Variants in HDAC9 observed in about 807,000 individuals in gnomAD.
HDAC9 encodes histone deacetylase 9.
Under a neutral mutation model 139.4 loss-of-function variants are expected in HDAC9, and 41 were observed. The observed-to-expected ratio is 0.29, with a 90% CI of 0.23 to 0.38. The LOEUF is 0.38. Among genes scored for constraint, HDAC9 ranks in the 10% least tolerant of loss-of-function variants. HDAC9 has a pLI of 1.00. For missense variants in HDAC9, 1,147 were observed against 1,297.0 expected (o/e 0.88, Z 1.78); for synonymous variants, 517 against 476.2 (o/e 1.09, Z -1.12).
intron 6 of HDAC9, among the ~76,000 whole-genome samples, chr7:18,597,066 C>A (rs1832704507): frequency 6.6e-6 from 1 of 152,052 alleles, no homozygotes. Flanking sequence ...GAAATCTGAC[C>A]TTTGTCACGC....
chr7:18,307,615 C>G (rs979496416), intron 1 of HDAC9, among the ~76,000 whole-genome samples: 1 of 152,038 alleles, frequency 6.6e-6, no homozygotes, highest in Non-Finnish European at 1.5e-5. Context: ...CCAGGCTGAC[C>G]AACATGGTGA....
At chr7:18,195,362 C>T (rs1468887708) in intron 2 of HDAC9, among the ~76,000 whole-genome samples, 3 of 152,120 alleles carry the variant, frequency 2.0e-5, no homozygotes, top group Non-Finnish European at 4.4e-5. Context: ...TACCTATCAC[C>T]TTTAATGGGG....
At chr7:18,496,389 C>A in intron 2 of HDAC9, 65 bp downstream of exon 2, 1 of 1,381,492 alleles carries the variant, frequency 7.2e-7, no homozygotes, top group South Asian at 1.2e-5. Flanking sequence ...GGAAATGCAG[C>A]TAAGAAAAGC....
intron 2 of HDAC9, among the ~76,000 whole-genome samples, chr7:18,274,840 T>A (rs1469430969): frequency 2.0e-5 from 3 of 152,224 alleles, no homozygotes; most frequent in Non-Finnish European, 4.4e-5. Context: ...GTTATGTACA[T>A]ATGAAATAAA....
chr7:18,965,685 G>A (rs1783797898), intron 24 of HDAC9, among the ~76,000 whole-genome samples: 1 of 152,214 alleles, frequency 6.6e-6, no homozygotes, highest in African/African-American at 2.4e-5. Context: ...GTTATTTCAT[G>A]TGAGCTGCGA....
At chr7:18,707,939 A>G (rs917289097) in intron 12 of HDAC9, among the ~76,000 whole-genome samples, 15 of 151,782 alleles carry the variant, frequency 9.9e-5, no homozygotes, top group African/African-American at 3.6e-4. Context: ...ATTTTTGTAT[A>G]TTGAGGGGAG....
chr7:18,090,249 A>G (rs1323213906), intron 1 of HDAC9, among the ~76,000 whole-genome samples: 1 of 152,190 alleles, frequency 6.6e-6, no homozygotes, highest in Non-Finnish European at 1.5e-5. Context: ...TTATGAGAGC[A>G]AGCTGCTCCT....
At chr7:18,388,209 AC>A (rs1362173407) in intron 1 of HDAC9, among the ~76,000 whole-genome samples, 1 of 152,130 alleles carries the variant, frequency 6.6e-6, no homozygotes, top group Non-Finnish European at 1.5e-5. Context: ...ATCAAATAAG[AC>A]CATTCCCAAG....
At chr7:18,877,494 A>T (rs981089559) in intron 22 of HDAC9, among the ~76,000 whole-genome samples, 1 of 152,186 alleles carries the variant, frequency 6.6e-6, no homozygotes, top group East Asian at 1.9e-4. Context: ...GTGTTTTCCA[A>T]TTCTAGCAAA....
intron 2 of HDAC9, among the ~76,000 whole-genome samples, chr7:18,168,895 T>TGTGTGTG (rs1344936412): frequency 9.2e-4 from 109 of 118,064 alleles, no homozygotes; most frequent in South Asian, 3.0e-3. Flanking sequence ...TTTTTTTTTT[T>TGTGTGTG]TTTGTGTGTG....
intron 2 of HDAC9, among the ~76,000 whole-genome samples, chr7:18,558,399 A>G (rs995213530): frequency 6.6e-6 from 1 of 152,196 alleles, no homozygotes; most frequent in Non-Finnish European, 1.5e-5. Flanking sequence ...TGTTCTGCCA[A>G]GGTCATCTAA....
intron 2 of HDAC9, among the ~76,000 whole-genome samples, chr7:18,545,585 G>A (rs1481235655): frequency 6.6e-6 from 1 of 152,162 alleles, no homozygotes; most frequent in African/African-American, 2.4e-5. Context: ...AAACTGCTGG[G>A]CTTGACTTTA....
At chr7:18,983,111 T>A (rs1032714685) in intron 25 of HDAC9, among the ~76,000 whole-genome samples, 1 of 152,192 alleles carries the variant, frequency 6.6e-6, no homozygotes, top group Non-Finnish European at 1.5e-5. Context: ...TCTTCCCGCC[T>A]CATCCTTCCA....
At chr7:18,434,368 C>T (rs576500376) in intron 1 of HDAC9, among the ~76,000 whole-genome samples, 294 of 152,274 alleles carry the variant, frequency 1.9e-3, no homozygotes, top group Non-Finnish European at 2.0e-3. Context: ...ACAGAGATGT[C>T]GAAAGCAATT....
intron 24 of HDAC9, among the ~76,000 whole-genome samples, chr7:18,968,820 G>A (rs1268687272): frequency 2.0e-5 from 3 of 151,978 alleles, no homozygotes; most frequent in Admixed American, 6.6e-5. Context: ...TTAGCTGGGC[G>A]TGGTGGCGGG....
At chr7:18,448,123 C>T (rs1262454112) in intron 1 of HDAC9, among the ~76,000 whole-genome samples, 6 of 152,176 alleles carry the variant, frequency 3.9e-5, no homozygotes, top group Non-Finnish European at 8.8e-5. Flanking sequence ...CCTCAGCCTC[C>T]TAAAGTGCTG....
At chr7:18,211,130 G>C (rs1465690107) in intron 2 of HDAC9, among the ~76,000 whole-genome samples, 3 of 152,184 alleles carry the variant, frequency 2.0e-5, no homozygotes, top group Non-Finnish European at 4.4e-5. Flanking sequence ...GTCAGTTTTG[G>C]ATTAGTGATT....
intron 2 of HDAC9, among the ~76,000 whole-genome samples, chr7:18,542,761 C>T (rs1813436667): frequency 6.6e-6 from 1 of 152,174 alleles, no homozygotes; most frequent in South Asian, 2.1e-4. Flanking sequence ...TCTGGAGGAT[C>T]AGTTACCACT....
chr7:18,765,693 A>AT (rs1454623489), intron 15 of HDAC9, among the ~76,000 whole-genome samples: 1 of 152,194 alleles, frequency 6.6e-6, no homozygotes, highest in Non-Finnish European at 1.5e-5. Flanking sequence ...GTACATATAT[A>AT]TTTTAATTTC....
Sources: gnomAD v4.1 joint callset for allele counts (sites outside exome capture counted in the v4.1 genomes callset) on GRCh38, gnomAD v4.1.1 for gene constraint, MANE v1.5 for transcripts, NCBI Gene and HGNC (gene_info 2026-07-23, HGNC 2026-07-21) for gene names.